Variants in HIVEP3 observed in about 807,000 individuals in gnomAD.
HIVEP3 encodes HIVEP zinc finger 3, also known as transcription factor HIVEP3.
HIVEP3 carries 49 observed loss-of-function variants against 152.8 expected under a neutral mutation model. The ratio of observed to expected loss-of-function variants is 0.32; its 90% confidence interval spans 0.26 to 0.41. The LOEUF (loss-of-function observed/expected upper bound fraction) is 0.41, where lower values mean the gene tolerates loss of function less well. HIVEP3 is among the 10% of genes least tolerant of loss of function. The pLI is 1.00. For synonymous variants in HIVEP3, 1,269 were observed against 1,289.0 expected, an observed-to-expected ratio of 0.98 and a Z score of 0.33; for missense variants, 2,790 against 3,103.3, an observed-to-expected ratio of 0.90 and a Z score of 2.40.
chr1:41,757,822 TC>T, intron 1 of HIVEP3, among the ~76,000 whole-genome samples: 1 of 152,138 alleles, frequency 6.6e-6, no homozygotes, highest in Non-Finnish European at 1.5e-5. Context: ...CAAACTAACC[TC>T]CTGCCTCAGC....
At chr1:41,811,423 C>T (rs1433858931) in intron 1 of HIVEP3, among the ~76,000 whole-genome samples, 3 of 151,624 alleles carry the variant, frequency 2.0e-5, no homozygotes, top group African/African-American at 4.8e-5. Context: ...GCTACCTCAC[C>T]CCATAGAAAC....
intron 1 of HIVEP3, among the ~76,000 whole-genome samples, chr1:41,769,609 G>T (rs537329935): frequency 6.6e-6 from 1 of 152,222 alleles, no homozygotes; most frequent in African/African-American, 2.4e-5. Context: ...TAAGAAGGAA[G>T]AAAGGAACAA....
At position 41,700,881 on chromosome 1, in the gene HIVEP3, T is replaced by G. The variant is rs189255828; in HGVS notation, c.-721+35A>C. On this transcript the variant is annotated intron_variant, in intron 2 of 8. Transcript: ENST00000372583. ...AATGGCCTTTGGGCTGTGCTGAAACTGCCCTGTGTCCTGTGGGGGATGGGG... is the reference window on the plus strand; with the variant it reads ...AATGGCCTTTGGGCTGTGCTGAAACGGCCCTGTGTCCTGTGGGGGATGGGG... 1.3e-4 allele frequency: 123 copies of G among 927,942 alleles called. No individual in the cohort carries two copies. In the African/African-American group the frequency reaches 1.9e-3, roughly 15 times the overall value. The allele number at this position is 927,942 out of a possible 1,614,324, so 57.5% of individuals were successfully genotyped here. A position where few individuals can be genotyped will look rare whatever the true frequency, so the allele number is the denominator to read the frequency against.
chr1:41,524,244 T>G (rs916815239), intron 6 of HIVEP3, among the ~76,000 whole-genome samples: 1 of 149,336 alleles, frequency 6.7e-6, no homozygotes, highest in African/African-American at 2.5e-5. Context: ...ATGGTGGGAG[T>G]GGAGAGGTGG....
intron 5 of HIVEP3, among the ~76,000 whole-genome samples, chr1:41,544,652 T>C (rs878948181): frequency 9.0e-4 from 90 of 100,152 alleles, no homozygotes; most frequent in African/African-American, 2.5e-3. Context: ...CCACCACCAC[T>C]ACCACCACTA....
intron 1 of HIVEP3, among the ~76,000 whole-genome samples, chr1:41,905,541 T>C (rs1485287633): frequency 6.6e-6 from 1 of 152,226 alleles, no homozygotes; most frequent in Non-Finnish European, 1.5e-5. Context: ...ATGTATCTGA[T>C]TTCACAATCC....
At position 41,579,761 on chromosome 1, in the gene HIVEP3, G is replaced by A. The variant is rs141095831; in HGVS notation, c.5037C>T (p.Ser1679=). 3.3e-4 allele frequency: 524 copies of A among 1,589,996 alleles called. 1 individual carries two copies. Among genetic ancestry groups the A allele is most frequent in the Middle Eastern group, 1.3e-3 (7 of 5,272 alleles). The change falls in exon 4 of 9, where the codon AGC becomes AGT. Residue 1679 remains serine, a synonymous_variant. Coordinates refer to ENST00000372583, the MANE Select transcript of HIVEP3 (RefSeq NM_024503.5). ...HPEAGRLVPS[S]SRKPRMTEVH... ...CCTCTGTCATGCGGGGCTTGCGGGA[G>A]CTGGATGGCACAAGCCTTCCTGCCT...
chr1:41,819,253 G>A (rs1642514168), intron 1 of HIVEP3, among the ~76,000 whole-genome samples: 1 of 151,994 alleles, frequency 6.6e-6, no homozygotes, highest in East Asian at 1.9e-4. Context: ...CCATCACCCA[G>A]CACTCTCCAG....
At chr1:41,949,564 A>G (rs995307279) in intron 1 of HIVEP3, among the ~76,000 whole-genome samples, 3 of 152,102 alleles carry the variant, frequency 2.0e-5, no homozygotes, top group Non-Finnish European at 4.4e-5. Context: ...AGAAAGTTAA[A>G]GAAATTCGAG....
chr1:41,640,009 A>G (rs1189996543), intron 2 of HIVEP3, among the ~76,000 whole-genome samples: 3 of 152,210 alleles, frequency 2.0e-5, no homozygotes, highest in Non-Finnish European at 4.4e-5. Context: ...AAGGAGCAAA[A>G]AAGAAGAACT....
rs1443875466 is a variant in HIVEP3, at chr1:41,583,247, C to T, written c.1551G>A (p.Lys517=). The T allele has an allele frequency of 6.2e-7, 1 of 1,612,746 alleles. No homozygotes were observed. Among genetic ancestry groups the T allele is most frequent in the African/African-American group, 1.3e-5 (1 of 74,808 alleles). The change falls in exon 4 of 9, where the codon AAG becomes AAA. Residue 517 remains lysine (K), a synonymous_variant. Coordinates refer to ENST00000372583, the MANE Select transcript of HIVEP3 (RefSeq NM_024503.5). This position sits in a 1 kb window ranked among gnomAD's most constrained non-coding sequence, Gnocchi z 6.9. ...GGAGGCTCAGCAGTGATTGTTCAGGCTTGGTTTTCTCACTGTGGGATGACA... is the reference window on the plus strand; with the variant it reads ...GGAGGCTCAGCAGTGATTGTTCAGGTTTGGTTTTCTCACTGTGGGATGACA... The part of the protein sequence containing the change: ...EPLSSHSEKT[K]PEQSLLSLQH...
chr1:41,615,511 C>G (rs1644955708), intron 3 of HIVEP3, among the ~76,000 whole-genome samples: 1 of 152,222 alleles, frequency 6.6e-6, no homozygotes, highest in East Asian at 1.9e-4. Flanking sequence ...GGGATTCGCG[C>G]AAGACCACAA....
At chr1:41,608,872 G>A (rs1034300566) in intron 3 of HIVEP3, among the ~76,000 whole-genome samples, 5 of 148,610 alleles carry the variant, frequency 3.4e-5, no homozygotes, top group African/African-American at 1.3e-4. Flanking sequence ...AGGAGTTTGG[G>A]ACCAGCCTGA....
At chr1:41,947,753 C>G (rs573425013) in intron 1 of HIVEP3, among the ~76,000 whole-genome samples, 1 of 152,288 alleles carries the variant, frequency 6.6e-6, no homozygotes, top group African/African-American at 2.4e-5. Context: ...CCATGGCATA[C>G]CTGAGTAAGG....
intron 1 of HIVEP3, among the ~76,000 whole-genome samples, chr1:41,925,429 AATC>A (rs1644963093): frequency 6.6e-6 from 1 of 152,248 alleles, no homozygotes; most frequent in Non-Finnish European, 1.5e-5. Flanking sequence ...TATTAAGAAA[AATC>A]ATAAGAGAAA....
chr1:41,731,258 G>C (rs1646834853), intron 1 of HIVEP3, among the ~76,000 whole-genome samples: 1 of 152,068 alleles, frequency 6.6e-6, no homozygotes, highest in Non-Finnish European at 1.5e-5. Flanking sequence ...TTGTCCTCAG[G>C]CAGCTCCGGA....
At chr1:41,748,263 T>C (rs775819386) in intron 1 of HIVEP3, among the ~76,000 whole-genome samples, 1 of 152,200 alleles carries the variant, frequency 6.6e-6, no homozygotes, top group Non-Finnish European at 1.5e-5. Flanking sequence ...CCCTCTCTTG[T>C]CCACCCTTGT....
intron 1 of HIVEP3, among the ~76,000 whole-genome samples, chr1:41,771,793 TA>T (rs1348387314): frequency 6.6e-6 from 1 of 152,172 alleles, no homozygotes; most frequent in Non-Finnish European, 1.5e-5. Flanking sequence ...GTCTCCCAAG[TA>T]GCTGGAACTA....
intron 1 of HIVEP3, among the ~76,000 whole-genome samples, chr1:41,738,399 C>G (rs1376191900): frequency 6.6e-6 from 1 of 152,136 alleles, no homozygotes; most frequent in African/African-American, 2.4e-5. Flanking sequence ...ATCAATTCTA[C>G]TTGGAGATGT....
Sources: allele counts gnomAD v4.1 joint callset (sites outside exome capture counted in the v4.1 genomes callset), GRCh38; gene constraint gnomAD v4.1.1; non-coding constraint Gnocchi (gnomAD v3.1); transcripts MANE v1.5; gene names NCBI Gene and HGNC (gene_info 2026-07-23, HGNC 2026-07-21).